The following TCIRG1 variants were observed in gnomAD, a reference collection of about 807,000 sequenced individuals.
TCIRG1 encodes T cell immune regulator 1, ATPase H+ transporting V0 subunit a3, also known as V-type proton ATPase 116 kDa subunit a 3.
TCIRG1 carries 86 observed loss-of-function variants against 95.5 expected under a neutral mutation model. The observed-to-expected ratio is 0.90, with a 90% CI of 0.76 to 1.08. TCIRG1 has a LOEUF of 1.08. Ranked by LOEUF, TCIRG1 falls within the 50% of genes least tolerant of loss-of-function variation. TCIRG1 has a pLI of 0.00. For synonymous variants in TCIRG1, 499 were observed against 501.3 expected (o/e 1.00, Z 0.06); for missense variants, 1,069 against 1,140.2 (o/e 0.94, Z 0.90).
intron 8 of TCIRG1, 74 bp downstream of exon 8, chr11:68,043,981 G>T: frequency 7.3e-7 from 1 of 1,367,458 alleles, no homozygotes; most frequent in Non-Finnish European, 1.0e-6. Context: ...GGGTGCAGGA[G>T]GTGGGTGCCC....
In TCIRG1 at chr11:68,044,788, G is replaced by C; in HGVS notation, c.1021-170G>C. ...ATTGCCAATCCATGTGGTGTCTTTGGGCCCCCACCAGGGCAGAGCAGGGCT... is the reference window on the plus strand; with the variant it reads ...ATTGCCAATCCATGTGGTGTCTTTGCGCCCCCACCAGGGCAGAGCAGGGCT... On this transcript the variant is annotated intron_variant, in intron 9 of 19. Transcript: ENST00000265686. 3 of 810,498 alleles carry C rather than the reference G, an allele frequency of 3.7e-6. 1 individual carries two copies. In the South Asian group the frequency reaches 4.9e-5, roughly 13 times the overall value. The allele number at this position is 810,498 out of a possible 1,614,324, so 50.2% of individuals were successfully genotyped here.
chr11:68,049,777 G>A lies in TCIRG1; in HGVS notation c.2002G>A (p.Ala668Thr), dbSNP rs756549710. Reference sequence around the variant, plus strand: ...CCGCCGCCGCCTGCGGAGGAGGCCCGCTGACCGACAGGTGGGACCGGGGCC... The same window carrying A: ...CCGCCGCCGCCTGCGGAGGAGGCCCACTGACCGACAGGTGGGACCGGGGCC... ...RHRRRLRRRP[A>T]DRQEENKAGL... is the part of the protein sequence containing the mutation. Residue 668 changes from alanine to threonine, a missense_variant, in exon 16 of 20, where the codon GCT (alanine) becomes ACT (threonine). Ala to Thr is a moderately conservative substitution (Grantham distance 58). Transcript: ENST00000265686. The A allele has an allele frequency of 2.0e-5, 31 of 1,571,442 alleles. 1 individual carries two copies. The highest frequency in any genetic ancestry group is 1.4e-4 in the South Asian group (12 of 87,170).
Position 68,041,783 on chromosome 11 carries a change from C to T in TCIRG1, c.148C>T (p.Arg50Cys), listed in dbSNP as rs370319355. The change falls in exon 3 of 20, where the codon CGC (arginine) becomes TGC (cysteine). Residue 50 changes from arginine (R) to cysteine (C), a missense_variant. Transcript: ENST00000265686. ...CGCCTCGGTGAGCGCCTTCCAGAGA[C>T]GCTTTGTGGTTGATGTTCGGCGCTG... ...LNASVSAFQR[R>C]FVVDVRRCEE... 62 of 1,610,778 alleles carry T rather than the reference C, an allele frequency of 3.8e-5. No individual in the cohort carries two copies. In the African/African-American group the frequency reaches 4.5e-4, roughly 12 times the overall value.
chr11:68,050,340 C>T (rs1590818734), intron 18 of TCIRG1, 86 bp downstream of exon 18: 7 of 1,596,396 alleles, frequency 4.4e-6, no homozygotes, highest in Non-Finnish European at 6.0e-6. Flanking sequence ...TCTCTCTGGG[C>T]CTCAGTTTCC....
intron 10 of TCIRG1, among the ~76,000 whole-genome samples, chr11:68,045,459 C>A (rs1354521089): frequency 6.6e-6 from 1 of 152,188 alleles, no homozygotes; most frequent in East Asian, 1.9e-4. Context: ...GAAATAATAG[C>A]GCAAACCTCA....
Position 68,049,705 on chromosome 11 carries a change from G to A in TCIRG1, c.1930G>A (p.Val644Met), listed in dbSNP as rs745312710. The change falls in exon 16 of 20, where the codon GTG becomes ATG. Residue 644 changes from valine to methionine, a missense_variant. Transcript: ENST00000265686. ...ATLVVLALAM[V>M]PILLLGTPLH... ...GCTGGTGGTCCTGGCCTTGGCCATG[G>A]TGCCCATCCTGCTGCTTGGCACACC... 5.1e-5 allele frequency: 81 copies of A among 1,597,736 alleles called. No homozygotes were observed. The highest frequency in any genetic ancestry group is 6.5e-5 in the Non-Finnish European group (76 of 1,177,184).
intron 10 of TCIRG1, among the ~76,000 whole-genome samples, chr11:68,045,351 G>A (rs1855428317): frequency 1.3e-5 from 2 of 152,256 alleles, no homozygotes; most frequent in Admixed American, 1.3e-4. Context: ...AAAGAACAGA[G>A]GCTGTGCGGT....
rs1187858380 is a variant in TCIRG1, at chr11:68,043,925, T to C, written c.807+18T>C. The C allele has an allele frequency of 6.6e-7, 1 of 1,517,396 alleles. No individual in the cohort carries two copies. The highest frequency in any genetic ancestry group is 8.9e-7 in the Non-Finnish European group (1 of 1,125,360). The allele number at this position is 1,517,396 out of a possible 1,614,324, so 94.0% of individuals were successfully genotyped here. A position where few individuals can be genotyped will look rare whatever the true frequency, so the allele number is the denominator to read the frequency against. On this transcript the variant is annotated intron_variant, in intron 8 of 19. Coordinates refer to ENST00000265686, the MANE Select transcript of TCIRG1 (RefSeq NM_006019.4). ...TGCAGGAGGTGGGTGCCCCCGGCCT[T>C]CCGGAGGCGGGTGTAGGAGGTGGGT...
At chr11:68,048,765 C>T in intron 13 of TCIRG1, 114 bp from the exon 14 acceptor site, 1 of 856,690 alleles carries the variant, frequency 1.2e-6, no homozygotes, top group East Asian at 2.4e-5. Flanking sequence ...ATGGATGAGG[C>T]TGCAGGCTCC....
chr11:68,048,724 C>G, intron 13 of TCIRG1, 155 bp from the exon 14 acceptor site: 1 of 737,676 alleles, frequency 1.4e-6, no homozygotes, highest in South Asian at 1.4e-5. Context: ...GCTGGCCCAT[C>G]TGCGCTCTGT....
At position 68,047,745 on chromosome 11, in the gene TCIRG1, C is replaced by T; in HGVS notation, c.1404C>T (p.Ala468=). The change falls in exon 12 of 20, where the codon GCC becomes GCT. Residue 468 remains alanine, a synonymous_variant. Transcript: ENST00000265686. ...GFIYNECFSR[A]TSIFPSGWSV... ...TCTACAACGAGTGCTTCAGTCGCGC[C>T]ACCAGCATCTTCCCCTCGGGCTGGA... The T allele has an allele frequency of 6.2e-7, 1 of 1,613,326 alleles. No homozygotes were observed. Among genetic ancestry groups the T allele is most frequent in the Non-Finnish European group, 8.5e-7 (1 of 1,180,000 alleles).
intron 10 of TCIRG1, 114 bp from the exon 11 acceptor site, chr11:68,047,319 C>A: frequency 1.1e-6 from 1 of 919,810 alleles, no homozygotes. Flanking sequence ...CTGTGCCTGG[C>A]TGCTAAGTGA....
intron 3 of TCIRG1, among the ~76,000 whole-genome samples, chr11:68,042,171 TG>T (rs1855199192): frequency 7.7e-6 from 1 of 129,860 alleles, no homozygotes; most frequent in Non-Finnish European, 1.6e-5. Flanking sequence ...ACAGCTGGGC[TG>T]GGGTGGGTGG....
intron 13 of TCIRG1, chr11:68,048,257 C>T (rs1392525200): frequency 3.0e-5 from 17 of 558,648 alleles, no homozygotes; most frequent in Non-Finnish European, 5.5e-5. Flanking sequence ...CTGTGCCAAG[C>T]ACTGTTCCCA....
rs774906865 is a variant in TCIRG1 at position 68,050,250 on chromosome 11, C to T, written c.2232C>T (p.His744=). ...YLRLWALSLA[H]AQLSEVLWAM... is the part of the protein sequence containing the mutation. ...GCCTGTGGGCCCTGAGCCTGGCCCA[C>T]GCCCGTGAGTGACCTGGCCACCGAC... is the stretch of plus-strand genomic sequence containing the variant. The change falls in exon 18 of 20, where the codon CAC becomes CAT. Residue 744 remains histidine, a synonymous_variant. Transcript: ENST00000265686. 45 of 1,612,652 alleles carry T rather than the reference C, an allele frequency of 2.8e-5. No individual in the cohort carries two copies. In the East Asian group the frequency reaches 3.1e-4, roughly 11 times the overall value.
Position 68,049,195 on chromosome 11 carries a change from G to C in TCIRG1, c.1788G>C (p.Trp596Cys), listed in dbSNP as rs1389467156. 6.2e-7 allele frequency: 1 copy of C among 1,613,890 alleles called. No individual in the cohort carries two copies. Among genetic ancestry groups the C allele is most frequent in the Non-Finnish European group, 8.5e-7 (1 of 1,179,994 alleles). ...FLVIYKWLCV[W>C]AARAASAPSI... ...TCATCTACAAGTGGCTGTGTGTCTG[G>C]GCTGCCAGGGCCGCCTCGGCCCCCA... Residue 596 changes from tryptophan to cysteine, a missense_variant, in exon 15 of 20, where the codon TGG becomes TGC. Transcript: ENST00000265686.
chr11:68,041,456 G>C, intron 2 of TCIRG1, 68 bp downstream of exon 2: 1 of 1,186,930 alleles, frequency 8.4e-7, no homozygotes, highest in African/African-American at 1.5e-5. Context: ...GGTCCAGGAT[G>C]GGGACTGCCC....
At position 68,041,132 on chromosome 11, in the gene TCIRG1, C is replaced by G. The variant is rs1855138647; in HGVS notation, c.-4-136C>G. On this transcript the variant is annotated intron_variant, in intron 1 of 19. Coordinates refer to ENST00000265686, the MANE Select transcript of TCIRG1 (RefSeq NM_006019.4). ...AGCACCGCATCAAGCCTGCCCAGGCCTCAGTTTCCACCTCTGTCAGATGGG... is the reference window on the plus strand; with the variant it reads ...AGCACCGCATCAAGCCTGCCCAGGCGTCAGTTTCCACCTCTGTCAGATGGG... The G allele has an allele frequency of 4.1e-6, 3 of 731,958 alleles. No individual in the cohort carries two copies. In the African/African-American group the frequency reaches 5.2e-5, roughly 13 times the overall value. 45.3% of individuals were successfully genotyped at this position (731,958 alleles called of 1,614,324 possible).
At chr11:68,047,011 T>TTC (rs1484439523) in intron 10 of TCIRG1, 1 of 405,082 alleles carries the variant, frequency 2.5e-6, no homozygotes, top group East Asian at 7.3e-5. Flanking sequence ...GGGTTCTTTT[T>TTC]TTTTTTTTTT....
Sources: allele counts gnomAD v4.1 joint callset (sites outside exome capture counted in the v4.1 genomes callset), GRCh38; gene constraint gnomAD v4.1.1; transcripts MANE v1.5; gene names NCBI Gene and HGNC (gene_info 2026-07-23, HGNC 2026-07-21).